ATP2B2: variants seen among roughly 807,000 people sequenced by gnomAD.
The protein encoded by ATP2B2 is ATPase plasma membrane Ca2+ transporting 2, also known as plasma membrane calcium-transporting ATPase 2.
ATP2B2 carries 15 observed loss-of-function variants against 120.0 expected under a neutral mutation model. The ratio of observed to expected loss-of-function variants is 0.12; its 90% CI spans 0.08 to 0.19. The LOEUF (loss-of-function observed/expected upper bound fraction) is 0.19. ATP2B2 is among the 10% of genes least tolerant of loss of function. The pLI, the probability that ATP2B2 is intolerant of heterozygous loss-of-function variation, is 1.00. For missense variants in ATP2B2, 1,045 were observed against 1,719.8 expected (o/e 0.61, Z 6.94); for synonymous variants, 694 against 700.3 (o/e 0.99, Z 0.14).
chr3:10,596,672 G>A (rs776964976), intron 2 of ATP2B2, among the ~76,000 whole-genome samples: 16 of 152,176 alleles, frequency 1.1e-4, no homozygotes, highest in Admixed American at 2.6e-4. Flanking sequence ...ATTCCTTGGC[G>A]TTTGCTCCTC....
intron 2 of ATP2B2, among the ~76,000 whole-genome samples, chr3:10,548,884 G>A (rs1470222356): frequency 1.3e-5 from 2 of 152,204 alleles, no homozygotes; most frequent in Admixed American, 6.5e-5. Flanking sequence ...ACCCAGGCTT[G>A]TTTAGCCTCA....
In ATP2B2 at chr3:10,646,730, A is replaced by G. The variant is rs111258336; in HGVS notation, c.-459-26769T>C. Among the ~76,000 whole-genome samples the G allele has an allele frequency of 6.6e-4, 100 of 152,218 alleles. 2 individuals are homozygous for G. The highest frequency in any genetic ancestry group is 2.3e-3 in the African/African-American group (97 of 41,516). ...TGAGAAAAATTTTTCTGACAGCAGA[A>G]TAAAGGATGGGCTAGAGAAAAACCA... On this transcript the variant is annotated intron_variant, in intron 1 of 21. Transcript: ENST00000646379.
At chr3:10,579,375 G>C (rs1043709474) in intron 2 of ATP2B2, among the ~76,000 whole-genome samples, 1 of 152,228 alleles carries the variant, frequency 6.6e-6, no homozygotes, top group Non-Finnish European at 1.5e-5. Context: ...CCTTCACTTA[G>C]AAACAGACTG....
chr3:10,588,551 C>A (rs2068569219), intron 2 of ATP2B2, among the ~76,000 whole-genome samples: 2 of 152,178 alleles, frequency 1.3e-5, no homozygotes, highest in Admixed American at 6.5e-5. Flanking sequence ...GAGCACATCA[C>A]CTCCTCTGCC....
chr3:10,444,100 C>T (rs1162926369), intron 2 of ATP2B2, among the ~76,000 whole-genome samples: 1 of 152,198 alleles, frequency 6.6e-6, no homozygotes, highest in African/African-American at 2.4e-5. Context: ...GAGTCCTGGG[C>T]CTTAGAATGG....
intron 1 of ATP2B2, among the ~76,000 whole-genome samples, chr3:10,622,399 G>T (rs1206593113): frequency 1.3e-5 from 2 of 152,128 alleles, no homozygotes; most frequent in African/African-American, 4.8e-5. Flanking sequence ...AATTTCATCT[G>T]CATTGACAGC....
rs2060298661 is a variant in ATP2B2 at position 10,342,231 on chromosome 3, G to T, written c.2917+521C>A. On this transcript the variant is annotated intron_variant, in intron 19 of 22. Coordinates refer to ENST00000360273, the MANE Select transcript of ATP2B2 (RefSeq NM_001001331.4). This position sits in a 1 kb window ranked among gnomAD's most constrained non-coding sequence, Gnocchi z 4.4. ...TCTCTGAGCCTTGGTGCCCTCGTTT[G>T]TAATGTGGGGTGGAGGCAAATGTGC... 6.6e-6 allele frequency among the ~76,000 whole-genome samples: 1 copy of T among 152,246 alleles called. No individual in the cohort carries two copies. Among genetic ancestry groups the T allele is most frequent in the South Asian group, 2.1e-4 (1 of 4,838 alleles).
intron 1 of ATP2B2, among the ~76,000 whole-genome samples, chr3:10,501,519 T>C (rs995857613): frequency 6.6e-6 from 1 of 152,030 alleles, no homozygotes; most frequent in African/African-American, 2.4e-5. Context: ...GACAGGAGTA[T>C]GCCACCACAC....
At chr3:10,486,691 T>C (rs567822537) in intron 1 of ATP2B2, among the ~76,000 whole-genome samples, 1 of 152,226 alleles carries the variant, frequency 6.6e-6, no homozygotes, top group Admixed American at 6.5e-5. Context: ...TTTATAATAA[T>C]CACCCCAGCT....
rs557011646 is a variant in ATP2B2, at chr3:10,621,430, A to C, written c.-459-1469T>G. The stretch of plus-strand genomic sequence containing the variant: ...AGCCCGACAAGAGGCAGCCAAATGC[A>C]GGGTTTCTTGGAACCTGGAGCTAGA... On this transcript the variant is annotated intron_variant, in intron 1 of 21. Transcript: ENST00000646379. Among the ~76,000 whole-genome samples the C allele has an allele frequency of 5.0e-4, 76 of 152,352 alleles. 1 individual carries two copies. In the South Asian group the frequency reaches 0.015, roughly 31 times the overall value.
intron 1 of ATP2B2, among the ~76,000 whole-genome samples, chr3:10,469,951 A>C (rs2064912677): frequency 6.6e-6 from 1 of 152,050 alleles, no homozygotes; most frequent in African/African-American, 2.4e-5. Flanking sequence ...CTCAGATTTC[A>C]GGAGCCCAGA....
chr3:10,552,201 G>A (rs2067684904), intron 2 of ATP2B2, among the ~76,000 whole-genome samples: 1 of 152,240 alleles, frequency 6.6e-6, no homozygotes, highest in South Asian at 2.1e-4. Context: ...AGGGGCGTGG[G>A]CGGGAAACCA....
chr3:10,633,868 A>G (rs2069943803), intron 1 of ATP2B2, among the ~76,000 whole-genome samples: 1 of 152,170 alleles, frequency 6.6e-6, no homozygotes. Context: ...GCCAAGACAT[A>G]ACAGAGACAA....
chr3:10,432,846 G>A (rs1379510586), intron 2 of ATP2B2, among the ~76,000 whole-genome samples: 3 of 152,198 alleles, frequency 2.0e-5, no homozygotes, highest in African/African-American at 4.8e-5. Context: ...ATAAGGAGGC[G>A]GTGGAGAGGT....
intron 1 of ATP2B2, among the ~76,000 whole-genome samples, chr3:10,686,953 G>T (rs1188973741): frequency 6.6e-5 from 10 of 152,348 alleles, no homozygotes; most frequent in African/African-American, 2.2e-4. Flanking sequence ...GAAGCCCAAA[G>T]AGGAGTCTGG....
chr3:10,662,980 A>C (rs995555886), intron 1 of ATP2B2, among the ~76,000 whole-genome samples: 1 of 151,672 alleles, frequency 6.6e-6, no homozygotes, highest in African/African-American at 2.4e-5. Context: ...TTCTCAGCAA[A>C]GTATCACAAG....
intron 3 of ATP2B2, among the ~76,000 whole-genome samples, chr3:10,516,623 T>C (rs751887838): frequency 1.3e-5 from 2 of 152,212 alleles, no homozygotes; most frequent in Non-Finnish European, 2.9e-5. Flanking sequence ...AGGGGACTCA[T>C]GGACTTGGAG....
intron 2 of ATP2B2, among the ~76,000 whole-genome samples, chr3:10,427,045 T>C (rs1254578011): frequency 6.6e-6 from 1 of 152,166 alleles, no homozygotes; most frequent in Non-Finnish European, 1.5e-5. Flanking sequence ...AAATTGCAGA[T>C]GAGGAAACTG....
At chr3:10,701,948 G>C (rs1321155908) in intron 1 of ATP2B2, among the ~76,000 whole-genome samples, 1 of 152,108 alleles carries the variant, frequency 6.6e-6, no homozygotes, top group African/African-American at 2.4e-5. Context: ...CTGGACAACA[G>C]ATACTGAGGC....
Sources: gnomAD v4.1 joint callset for allele counts (sites outside exome capture counted in the v4.1 genomes callset) on GRCh38, gnomAD v4.1.1 for gene constraint, Gnocchi (gnomAD v3.1) non-coding constraint, MANE v1.5 for transcripts, NCBI Gene and HGNC (gene_info 2026-07-23, HGNC 2026-07-21) for gene names.